The following SNX31 variants were observed in gnomAD, a reference collection of about 807,000 sequenced individuals.
SNX31 encodes sorting nexin-31.
A neutral mutation model predicts 65.4 loss-of-function variants in SNX31; 58 were observed. The ratio of observed to expected loss-of-function variants is 0.89; its 90% CI spans 0.72 to 1.10. The LOEUF is 1.10. SNX31 is among the 50% of genes least tolerant of loss of function. SNX31 has a pLI of 0.00. For synonymous variants in SNX31, 181 were observed against 190.1 expected, an observed-to-expected ratio of 0.95 and a Z score of 0.39; for missense variants, 523 against 529.7, an observed-to-expected ratio of 0.99 and a Z score of 0.12.
At position 100,614,795 on chromosome 8, in the gene SNX31, C is replaced by T. The variant is rs1817028220; in HGVS notation, c.433-1710G>A. ...CTCAGGAGCTGAGGAAGGAGAATCG[C>T]TTGAACCTGGGAGGCAGAGGTTGCA... On this transcript the variant is annotated intron_variant, in intron 5 of 13. Transcript: ENST00000311812. The surrounding 1 kb of genome is among the most constrained non-coding windows in gnomAD (Gnocchi z 5.1). Among the ~76,000 whole-genome samples the T allele has an allele frequency of 6.6e-6, 1 of 152,172 alleles. No individual in the cohort carries two copies. Among genetic ancestry groups the T allele is most frequent in the Non-Finnish European group, 1.5e-5 (1 of 68,032 alleles).
chr8:100,633,296 G>C (rs1021435407), intron 3 of SNX31, among the ~76,000 whole-genome samples: 6 of 152,170 alleles, frequency 3.9e-5, no homozygotes, highest in Admixed American at 3.3e-4. Flanking sequence ...TCCTGGTTTT[G>C]ATATATTGAA....
intron 7 of SNX31, 137 bp downstream of exon 7, chr8:100,611,863 C>CT: frequency 2.9e-6 from 2 of 681,022 alleles, no homozygotes; most frequent in Non-Finnish European, 5.1e-6. Context: ...GCCTTCATTG[C>CT]TTTTCTCAGA....
chr8:100,624,651 A>G (rs1483401275), intron 4 of SNX31, among the ~76,000 whole-genome samples: 2 of 152,342 alleles, frequency 1.3e-5, no homozygotes, highest in South Asian at 4.1e-4. Flanking sequence ...ATTTGGCTCT[A>G]TTTGTGATAT....
rs113996649 is a variant in SNX31 at position 100,600,822 on chromosome 8, A to G, written c.682-381T>C. ...AAAAACAAAATGTCATAATGAAGAA[A>G]TAGTCATATATAATTATGTGAAACA... is the stretch of plus-strand genomic sequence containing the variant. On this transcript the variant is annotated intron_variant, in intron 8 of 13. Coordinates refer to ENST00000311812, the MANE Select transcript of SNX31 (RefSeq NM_152628.4). Among the ~76,000 whole-genome samples, 1,497 of 152,302 alleles carry G rather than the reference A, an allele frequency of 9.8e-3. 26 individuals are homozygous for G. The highest frequency in any genetic ancestry group is 0.033 in the African/African-American group (1,365 of 41,574).
intron 8 of SNX31, 98 bp downstream of exon 8, chr8:100,608,395 TG>T: frequency 1.9e-6 from 2 of 1,044,812 alleles, no homozygotes; most frequent in Non-Finnish European, 2.9e-6. Context: ...GTTTTAGGTG[TG>T]GAGGTAGAAT....
At position 100,649,256 on chromosome 8, in the gene SNX31, C is replaced by A; in HGVS notation, c.141+18G>T. The A allele has an allele frequency of 6.2e-7, 1 of 1,612,906 alleles. No individual in the cohort carries two copies. The highest frequency in any genetic ancestry group is 1.1e-5 in the South Asian group (1 of 91,042). On this transcript the variant is annotated intron_variant, in intron 2 of 13. Transcript: ENST00000311812. ...CTGTCTCAGTGGATGGGCTCGTACCCGCCTCCAATCTGCTCACCTGTTCGT... is the reference window on the plus strand; with the variant it reads ...CTGTCTCAGTGGATGGGCTCGTACCAGCCTCCAATCTGCTCACCTGTTCGT...
At chr8:100,654,873 T>A (rs921892658) in intron 1 of SNX31, among the ~76,000 whole-genome samples, 2 of 152,108 alleles carry the variant, frequency 1.3e-5, no homozygotes, top group Non-Finnish European at 1.5e-5. Context: ...ATTAGCCAGA[T>A]GTGGTAGTAC....
At chr8:100,621,682 T>C (rs1038776804) in intron 4 of SNX31, among the ~76,000 whole-genome samples, 1 of 152,226 alleles carries the variant, frequency 6.6e-6, no homozygotes, top group Non-Finnish European at 1.5e-5. Flanking sequence ...GCCTGAGATA[T>C]ATTTTTTAAA....
chr8:100,603,437 CTTT>C (rs1441075561), intron 8 of SNX31, among the ~76,000 whole-genome samples: 2 of 141,660 alleles, frequency 1.4e-5, no homozygotes, highest in Non-Finnish European at 1.6e-5. Context: ...GTTTCATTAC[CTTT>C]TTTTTTTTTT....
rs569404143 is a variant in SNX31, at chr8:100,590,254, C to T, written c.979-1275G>A. Among the ~76,000 whole-genome samples the T allele has an allele frequency of 1.2e-4, 19 of 152,232 alleles. No individual in the cohort carries two copies. The South Asian group carries it at 3.9e-3, about 32-fold the overall frequency. ...TAGGGAAAGAAAAAAGATATTTTTCCCCCTAGGGGGCAACAGACATTATCC... is the reference window on the plus strand; with the variant it reads ...TAGGGAAAGAAAAAAGATATTTTTCTCCCTAGGGGGCAACAGACATTATCC... On this transcript the variant is annotated intron_variant, in intron 10 of 13. Transcript: ENST00000311812.
At chr8:100,582,402 C>G (rs901779652) in intron 12 of SNX31, 1 of 152,166 alleles carries the variant, frequency 6.6e-6, no homozygotes, top group Non-Finnish European at 1.5e-5. Context: ...AGGGTCCATC[C>G]TGCCTGAGAG....
rs139928210 is a variant in SNX31 at position 100,644,710 on chromosome 8, C to T, written c.141+4564G>A. 4.6e-5 allele frequency among the ~76,000 whole-genome samples: 7 copies of T among 152,336 alleles called. No homozygotes were observed. In the East Asian group the frequency reaches 1.3e-3, roughly 29 times the overall value. On this transcript the variant is annotated intron_variant, in intron 2 of 13. Transcript: ENST00000311812. ...GACAGAGTCTCCCTCTGTTGCCCAG[C>T]CTGGAGTGCAGTGGTGGGATCTCAG...
At chr8:100,582,840 G>T (rs181238696) in intron 12 of SNX31, among the ~76,000 whole-genome samples, 6 of 151,402 alleles carry the variant, frequency 4.0e-5, no homozygotes, top group African/African-American at 1.2e-4. Context: ...AAAATCAGCC[G>T]GGCGTGGTGG....
At position 100,588,853 on chromosome 8, in the gene SNX31, C is replaced by T; in HGVS notation, c.1092+13G>A. 6.3e-7 allele frequency: 1 copy of T among 1,592,292 alleles called. No individual in the cohort carries two copies. Among genetic ancestry groups the T allele is most frequent in the Non-Finnish European group, 8.6e-7 (1 of 1,160,500 alleles). On this transcript the variant is annotated intron_variant, in intron 11 of 13. Coordinates refer to ENST00000311812, the MANE Select transcript of SNX31 (RefSeq NM_152628.4). This position sits in a 1 kb window ranked among gnomAD's most constrained non-coding sequence, Gnocchi z 4.8. ...AGCACAGAGGGTGTTCAAGGTCTGC[C>T]CTGAGAACTCACCTGTTTGGTGTAA...
Position 100,578,746 on chromosome 8 carries a change from G to A in SNX31, c.1171-1671C>T. Among the ~76,000 whole-genome samples the A allele has an allele frequency of 7.0e-6, 1 of 142,544 alleles. No individual in the cohort carries two copies. Among genetic ancestry groups the A allele is most frequent in the South Asian group, 2.1e-4 (1 of 4,670 alleles). 93.5% of individuals were successfully genotyped at this position (142,544 alleles called of 152,430 possible). On this transcript the variant is annotated intron_variant, in intron 12 of 13. Transcript: ENST00000311812. This position sits in a 1 kb window ranked among gnomAD's most constrained non-coding sequence, Gnocchi z 4.7. ...TTTATTTTATTATTATTTTGAGACAGAGTCTCGCTGTGTTGCCCAGGCTAG... is the reference window on the plus strand; with the variant it reads ...TTTATTTTATTATTATTTTGAGACAAAGTCTCGCTGTGTTGCCCAGGCTAG...
intron 2 of SNX31, among the ~76,000 whole-genome samples, chr8:100,644,352 T>C (rs186197945): frequency 3.1e-3 from 465 of 152,346 alleles, no homozygotes; most frequent in African/African-American, 0.011. Context: ...GCCTCATCTG[T>C]AACTTGGTCA....
At chr8:100,636,905 GA>G (rs1206637948) in intron 2 of SNX31, among the ~76,000 whole-genome samples, 2 of 152,140 alleles carry the variant, frequency 1.3e-5, no homozygotes, top group Non-Finnish European at 2.9e-5. Context: ...ATTTTTAGTA[GA>G]GATAGTGTTT....
At chr8:100,654,394 G>A (rs1820024594), upstream of SNX31, among the ~76,000 whole-genome samples, 1 of 152,220 alleles carries the variant, frequency 6.6e-6, no homozygotes, top group Non-Finnish European at 1.5e-5. Flanking sequence ...CACACAGTTT[G>A]TAAGAGAAGA....
intron 10 of SNX31, among the ~76,000 whole-genome samples, chr8:100,593,293 G>A (rs1034477755): frequency 7.9e-5 from 12 of 152,060 alleles, no homozygotes; most frequent in African/African-American, 2.4e-4. Context: ...AAACAGACCC[G>A]TACAAACATG....
Sources: gnomAD v4.1 joint callset for allele counts (sites outside exome capture counted in the v4.1 genomes callset) on GRCh38, gnomAD v4.1.1 for gene constraint, Gnocchi (gnomAD v3.1) non-coding constraint, MANE v1.5 for transcripts, NCBI Gene and HGNC (gene_info 2026-07-23, HGNC 2026-07-21) for gene names.